HEPH: variants seen among roughly 807,000 people sequenced by gnomAD.
The protein encoded by HEPH is hephaestin.
A neutral mutation model predicts 80.8 loss-of-function variants in HEPH; 69 were observed. The ratio of observed to expected loss-of-function variants is 0.85; its 90% confidence interval spans 0.70 to 1.04. The LOEUF is 1.04. HEPH is among the 50% of genes least tolerant of loss of function. The probability of loss-of-function intolerance (pLI) is 0.00; values close to 1 mark genes in which losing one functional copy is unlikely to be tolerated. For synonymous variants in HEPH, 431 were observed against 322.8 expected, an observed-to-expected ratio of 1.34 and a Z score of -3.60; for missense variants, 1,115 against 891.3, an observed-to-expected ratio of 1.25 and a Z score of -3.20.
chrX:66,233,456 G>A (rs1001220699), intron 15 of HEPH, among the ~76,000 whole-genome samples: 2 of 111,554 alleles, frequency 1.8e-5, no homozygotes, highest in African/African-American at 6.5e-5. Context: ...CTTTGTGTCT[G>A]CCTTAATTGC....
chrX:66,194,673 C>T (rs1239164936), intron 8 of HEPH, among the ~76,000 whole-genome samples: 2 of 111,592 alleles, frequency 1.8e-5, no homozygotes, highest in Non-Finnish European at 3.8e-5. Context: ...TCCACAAAGA[C>T]ATGTAGCTAT....
At position 66,172,389 on chromosome X, in the gene HEPH, C is replaced by CGGATAGG. The variant is rs1569283387; in HGVS notation, c.205_211dup (p.Gly71AspfsTer11). The CGGATAGG allele has an allele frequency of 8.4e-7, 1 of 1,190,301 alleles. No individual in the cohort carries two copies. Among genetic ancestry groups the CGGATAGG allele is most frequent in the East Asian group, 3.0e-5 (1 of 33,077 alleles). On this transcript the variant is annotated frameshift_variant, in exon 3 of 21. Transcript: ENST00000343002. LOFTEE classifies it high-confidence loss of function. ...CAGCTTCTTAAAGTCTGACAAGAAC[C>CGGATAGG]GGATAGGGGGAACCTACAAGAAGAC... is the stretch of plus-strand genomic sequence containing the variant.
intron 15 of HEPH, among the ~76,000 whole-genome samples, chrX:66,250,762 T>C (rs1274683469): frequency 8.9e-6 from 1 of 112,236 alleles, no homozygotes; most frequent in East Asian, 2.8e-4. Flanking sequence ...CTATTTGTTA[T>C]TGCTGAGTAG....
At chrX:66,254,748 C>T (rs2091115789) in intron 15 of HEPH, among the ~76,000 whole-genome samples, 1 of 98,647 alleles carries the variant, frequency 1.0e-5, no homozygotes, top group Non-Finnish European at 2.0e-5. Context: ...ACCCCACCCC[C>T]GCCCCGCAAA....
chrX:66,193,173 AG>A (rs1382462212), intron 7 of HEPH, among the ~76,000 whole-genome samples: 1 of 110,951 alleles, frequency 9.0e-6, no homozygotes, highest in African/African-American at 3.3e-5. Flanking sequence ...TCTGGAGGGC[AG>A]AACTGGTCCC....
chrX:66,167,397 G>A (rs1444314808), intron 1 of HEPH, among the ~76,000 whole-genome samples: 2 of 112,243 alleles, frequency 1.8e-5, no homozygotes, highest in African/African-American at 6.5e-5. Flanking sequence ...CTGATGGCCT[G>A]TACTAGTCTC....
chrX:66,241,391 A>T (rs887529670), intron 15 of HEPH, among the ~76,000 whole-genome samples: 2 of 111,791 alleles, frequency 1.8e-5, no homozygotes, highest in African/African-American at 6.5e-5. Flanking sequence ...CACCCATAGG[A>T]TCAAAGTAAA....
At chrX:66,203,275 C>T in intron 12 of HEPH, 89 bp from the exon 13 acceptor site, 1 of 741,382 alleles carries the variant, frequency 1.3e-6, no homozygotes, top group South Asian at 2.5e-5. Flanking sequence ...TAACTCTTTT[C>T]TGCAGTATGC....
At chrX:66,196,209 C>T (rs769981151) in intron 9 of HEPH, among the ~76,000 whole-genome samples, 4 of 110,901 alleles carry the variant, frequency 3.6e-5, no homozygotes, top group African/African-American at 9.8e-5. Context: ...ATAGGAGATG[C>T]GTGCTAATAT....
Position 66,255,029 on chromosome X carries a change from T to C in HEPH, c.2564-6T>C, listed in dbSNP as rs1224028096. The C allele has an allele frequency of 8.5e-7, 1 of 1,182,973 alleles. No homozygotes were observed. Among genetic ancestry groups the C allele is most frequent in the Non-Finnish European group, 1.1e-6 (1 of 874,088 alleles). ...TGCAACTGGAGGTTCCTTGTTACAC[T>C]TCTAGGTGAGGTGGTCACTTATCAG... is the stretch of plus-strand genomic sequence containing the variant. On this transcript the variant is annotated splice_polypyrimidine_tract_variant and splice_region_variant and intron_variant, in intron 15 of 20. Coordinates refer to ENST00000343002, the MANE Select transcript of HEPH (RefSeq NM_001367233.3).
chrX:66,237,579 G>A (rs1314055494), intron 15 of HEPH, among the ~76,000 whole-genome samples: 1 of 111,953 alleles, frequency 8.9e-6, no homozygotes, highest in Non-Finnish European at 1.9e-5. Context: ...ATGTGGTGAT[G>A]AGAAGGATGC....
Position 66,263,247 on chromosome X carries a change from A to C in HEPH, c.3200-397A>C, listed in dbSNP as rs183270574. On this transcript the variant is annotated intron_variant, in intron 19 of 20. Coordinates refer to ENST00000343002, the MANE Select transcript of HEPH (RefSeq NM_001367233.3). ...TCAGAGAAGAACTCAGCTTTATTAAATCAAGGAGAGGAAGAAGTGTTCTGA... is the reference window on the plus strand; with the variant it reads ...TCAGAGAAGAACTCAGCTTTATTAACTCAAGGAGAGGAAGAAGTGTTCTGA... Among the ~76,000 whole-genome samples the C allele has an allele frequency of 8.9e-5, 10 of 112,036 alleles. No individual in the cohort carries two copies. The East Asian group carries it at 2.8e-3, about 32-fold the overall frequency.
intron 17 of HEPH, among the ~76,000 whole-genome samples, chrX:66,257,935 G>T (rs1361054602): frequency 8.9e-6 from 1 of 112,036 alleles, no homozygotes; most frequent in Non-Finnish European, 1.9e-5. Flanking sequence ...TGTCCTTGGA[G>T]CATAGGATGT....
At chrX:66,265,024 A>C (rs2091492088) in intron 20 of HEPH, among the ~76,000 whole-genome samples, 1 of 110,198 alleles carries the variant, frequency 9.1e-6, no homozygotes. Flanking sequence ...AATAAAACTC[A>C]ATAATTTTCT....
At chrX:66,235,275 T>C (rs1408202578) in intron 15 of HEPH, among the ~76,000 whole-genome samples, 1 of 111,873 alleles carries the variant, frequency 8.9e-6, no homozygotes, top group Non-Finnish European at 1.9e-5. Flanking sequence ...ATTGCCTTTT[T>C]GTAGATCCAG....
chrX:66,200,190 C>T (rs1451999010), intron 11 of HEPH, among the ~76,000 whole-genome samples: 1 of 105,220 alleles, frequency 9.5e-6, no homozygotes, highest in Admixed American at 1.0e-4. Context: ...AAGTATGTTG[C>T]CACAGAAACC....
At chrX:66,242,377 T>A (rs1264183972) in intron 15 of HEPH, among the ~76,000 whole-genome samples, 1 of 111,815 alleles carries the variant, frequency 8.9e-6, no homozygotes, top group Non-Finnish European at 1.9e-5. Flanking sequence ...TCAAAATTGA[T>A]TAAAGACTTA....
chrX:66,214,922 A>G (rs1330459799), intron 15 of HEPH, among the ~76,000 whole-genome samples: 1 of 111,497 alleles, frequency 9.0e-6, no homozygotes, highest in African/African-American at 3.3e-5. Context: ...TACTATTTGA[A>G]GAACAAACCT....
rs959274280 is a variant in HEPH at position 66,172,390 on chromosome X, G to A, written c.203G>A (p.Arg68Gln). 6.7e-6 allele frequency: 8 copies of A among 1,194,111 alleles called. No individual in the cohort carries two copies. The African/African-American group carries it at 7.1e-5, about 11-fold the overall frequency. ...AGCTTCTTAAAGTCTGACAAGAACCGGATAGGGGGAACCTACAAGAAGACC... is the reference window on the plus strand; with the variant it reads ...AGCTTCTTAAAGTCTGACAAGAACCAGATAGGGGGAACCTACAAGAAGACC... The part of the protein sequence containing the change: ...ASSFLKSDKN[R>Q]IGGTYKKTIY... The change falls in exon 3 of 21, where the codon CGG becomes CAG. Residue 68 changes from arginine (R) to glutamine (Q), a missense_variant. Around this residue, in one of 3 missense-constraint regions of HEPH, gnomAD observed 391 missense variants for 343.6 expected, o/e 1.14. Coordinates refer to ENST00000343002, the MANE Select transcript of HEPH (RefSeq NM_001367233.3).
Sources: allele counts gnomAD v4.1 joint callset (sites outside exome capture counted in the v4.1 genomes callset), GRCh38; gene constraint gnomAD v4.1.1; regional missense constraint gnomAD v4.1.1; transcripts MANE v1.5; gene names NCBI Gene and HGNC (gene_info 2026-07-23, HGNC 2026-07-21).